Variants in ITGB3 observed in about 807,000 individuals in gnomAD.
ITGB3 encodes integrin subunit beta 3, also known as integrin beta-3.
Under a neutral mutation model 85.8 loss-of-function variants are expected in ITGB3, and 48 were observed. The observed-to-expected ratio is 0.56, with a 90% CI of 0.44 to 0.71. ITGB3 has a LOEUF of 0.71. Ranked by LOEUF, ITGB3 falls within the 30% of genes least tolerant of loss-of-function variation. The pLI is 0.00. For missense variants in ITGB3, 861 were observed against 1,019.1 expected, an observed-to-expected ratio of 0.84 and a Z score of 2.11; for synonymous variants, 363 against 395.6, an observed-to-expected ratio of 0.92 and a Z score of 0.98.
At chr17:47,269,826 GC>G (rs2143055682) in intron 1 of ITGB3, among the ~76,000 whole-genome samples, 2 of 152,168 alleles carry the variant, frequency 1.3e-5, no homozygotes, top group African/African-American at 4.8e-5. Context: ...CTCTACCATT[GC>G]CAATTTACTG....
chr17:47,302,032 G>A (rs1056713332), intron 12 of ITGB3, among the ~76,000 whole-genome samples: 48 of 152,252 alleles, frequency 3.2e-4, no homozygotes, highest in Admixed American at 3.1e-3. Context: ...ATTTCATCAT[G>A]TGTCAGTTTT....
At chr17:47,256,021 T>C (rs1269237522) in intron 1 of ITGB3, among the ~76,000 whole-genome samples, 1 of 152,152 alleles carries the variant, frequency 6.6e-6, no homozygotes, top group African/African-American at 2.4e-5. Flanking sequence ...AGGGTATCCT[T>C]GTCCTGTCCA....
At chr17:47,307,875 TTACTTCCAGGC>T (rs1168940770) in intron 14 of ITGB3, among the ~76,000 whole-genome samples, 1 of 152,166 alleles carries the variant, frequency 6.6e-6, no homozygotes, top group African/African-American at 2.4e-5. Flanking sequence ...AAATAAATGG[TTACTTCCAGGC>T]TGGGCCTGGT....
intron 1 of ITGB3, 127 bp downstream of exon 1, chr17:47,254,067 C>T (rs926445584): frequency 5.3e-5 from 30 of 561,418 alleles, no homozygotes; most frequent in Middle Eastern, 1.1e-3. Flanking sequence ...ATGCGCGTGT[C>T]CTGGCTGGCG....
chr17:47,292,605 A>C, intron 10 of ITGB3, 37 bp downstream of exon 10: 1 of 1,595,252 alleles, frequency 6.3e-7, no homozygotes, highest in Non-Finnish European at 8.5e-7. Context: ...CCTGGAACCC[A>C]CACCCCCTCA....
rs763182566 is a variant in ITGB3, at chr17:47,290,950, T to C, written c.1126-4T>C. On this transcript the variant is annotated splice_polypyrimidine_tract_variant and splice_region_variant and intron_variant, in intron 8 of 14. Coordinates refer to ENST00000559488, the MANE Select transcript of ITGB3 (RefSeq NM_000212.3). ...CTTGTCTTCTTGTGCCCCTTTCTGC[T>C]CAGAAAATCCGTTCTAAAGTAGAGC... 3 of 1,613,962 alleles carry C rather than the reference T, an allele frequency of 1.9e-6. No homozygotes were observed. Among genetic ancestry groups the C allele is most frequent in the Non-Finnish European group, 2.5e-6 (3 of 1,180,032 alleles).
In ITGB3 at chr17:47,295,718, G is replaced by A. The variant is rs139098513; in HGVS notation, c.1690+3150G>A. Among the ~76,000 whole-genome samples, 466 of 146,432 alleles carry A rather than the reference G, an allele frequency of 3.2e-3. 14 individuals are homozygous for A. The East Asian group carries it at 0.055, about 17-fold the overall frequency. On this transcript the variant is annotated intron_variant, in intron 10 of 14. Transcript: ENST00000559488. Reference sequence around the variant, plus strand: ...AGTGCTGCCAGGCCCCTGTGGTGTCGGTCTTTCCCATCCAGGAGCCGTGGC... The same window carrying A: ...AGTGCTGCCAGGCCCCTGTGGTGTCAGTCTTTCCCATCCAGGAGCCGTGGC...
intron 1 of ITGB3, among the ~76,000 whole-genome samples, chr17:47,264,060 T>C (rs1486233186): frequency 2.0e-5 from 3 of 152,338 alleles, no homozygotes; most frequent in East Asian, 3.9e-4. Context: ...GGTCCACTTA[T>C]GCAAATGAAC....
At chr17:47,257,387 C>G (rs2064994203) in intron 1 of ITGB3, among the ~76,000 whole-genome samples, 1 of 152,084 alleles carries the variant, frequency 6.6e-6, no homozygotes, top group African/African-American at 2.4e-5. Flanking sequence ...TTTGCTTTAC[C>G]CATAAGAAAA....
intron 2 of ITGB3, among the ~76,000 whole-genome samples, chr17:47,281,070 T>A (rs2065082230): frequency 6.6e-6 from 1 of 152,200 alleles, no homozygotes; most frequent in Non-Finnish European, 1.5e-5. Context: ...ACCTTAGGTT[T>A]CTCCCTTGTA....
At chr17:47,262,137 T>G (rs772100608) in intron 1 of ITGB3, among the ~76,000 whole-genome samples, 21 of 152,194 alleles carry the variant, frequency 1.4e-4, no homozygotes, top group Non-Finnish European at 2.6e-4. Context: ...TTAGTAGGTG[T>G]TGTCAATTTG....
chr17:47,290,577 A>T (rs1384798455), intron 8 of ITGB3, among the ~76,000 whole-genome samples: 1 of 152,210 alleles, frequency 6.6e-6, no homozygotes, highest in Non-Finnish European at 1.5e-5. Flanking sequence ...GGCTCCAATA[A>T]CAGGGAAAAG....
At chr17:47,269,008 C>G (rs1001404013) in intron 1 of ITGB3, among the ~76,000 whole-genome samples, 3 of 151,754 alleles carry the variant, frequency 2.0e-5, no homozygotes, top group Admixed American at 6.6e-5. Context: ...GGCTCAACAC[C>G]ACATGGAAGC....
chr17:47,264,167 G>A (rs149446818), intron 1 of ITGB3, among the ~76,000 whole-genome samples: 5 of 152,338 alleles, frequency 3.3e-5, no homozygotes, highest in African/African-American at 1.2e-4. Flanking sequence ...TAGCTCTGGA[G>A]GTCCCAAAGT....
At chr17:47,292,013 G>T (rs540971418) in intron 9 of ITGB3, 126 bp from the exon 10 acceptor site, 4 of 917,596 alleles carry the variant, frequency 4.4e-6, no homozygotes, top group Non-Finnish European at 7.0e-6. Flanking sequence ...ACTCCAGATT[G>T]CAAAAGCATA....
At chr17:47,283,024 A>G (rs978846382) in intron 2 of ITGB3, among the ~76,000 whole-genome samples, 7 of 152,016 alleles carry the variant, frequency 4.6e-5, no homozygotes, top group Non-Finnish European at 1.5e-5. Context: ...TTCTAGCTAC[A>G]ACTCCATGAA....
intron 5 of ITGB3, 42 bp from the exon 6 acceptor site, chr17:47,287,028 G>T (rs758627480): frequency 7.4e-7 from 1 of 1,356,388 alleles, no homozygotes; most frequent in Non-Finnish European, 9.7e-7. Flanking sequence ...GGCTGAATTT[G>T]TTTTGTCTCC....
intron 1 of ITGB3, among the ~76,000 whole-genome samples, chr17:47,267,469 C>T (rs1033297040): frequency 6.6e-6 from 1 of 152,194 alleles, no homozygotes; most frequent in Non-Finnish European, 1.5e-5. Flanking sequence ...AGCATGGGCT[C>T]AGTGCAGAGA....
Position 47,300,576 on chromosome 17 carries a change from T to G in ITGB3, c.2012T>G (p.Leu671Arg), listed in dbSNP as rs761206253. 2 of 1,612,298 alleles carry G rather than the reference T, an allele frequency of 1.2e-6. No individual in the cohort carries two copies. The highest frequency in any genetic ancestry group is 8.5e-7 in the Non-Finnish European group (1 of 1,178,602). Residue 671 changes from leucine to arginine, a missense_variant and splice_region_variant, in exon 12 of 15, where the codon CTT (leucine) becomes CGT (arginine). Transcript: ENST00000559488. ...GACGAGATTGAGTCAGTGAAAGAGC[T>G]TAGTAAGTTCAGCACATCTTAGAGT... ...CRDEIESVKELKDTGKDAVNC... is the reference protein window; with the variant it reads ...CRDEIESVKERKDTGKDAVNC...
Sources: gnomAD v4.1 joint callset for allele counts (sites outside exome capture counted in the v4.1 genomes callset) on GRCh38, gnomAD v4.1.1 for gene constraint, MANE v1.5 for transcripts, NCBI Gene and HGNC (gene_info 2026-07-23, HGNC 2026-07-21) for gene names.